The following FBXL15 variants were observed in gnomAD, a reference collection of about 807,000 sequenced individuals.
FBXL15 encodes F-box/LRR-repeat protein 15.
Under a neutral mutation model 23.6 loss-of-function variants are expected in FBXL15, and 19 were observed. The ratio of observed to expected loss-of-function variants is 0.81; its 90% CI spans 0.56 to 1.18. FBXL15 has a LOEUF of 1.18. FBXL15 is among the 50% of genes most tolerant of loss of function. FBXL15 has a pLI of 0.00. For missense variants in FBXL15, 385 were observed against 425.4 expected (o/e 0.91, Z 0.83); for synonymous variants, 224 against 207.7 (o/e 1.08, Z -0.67).
Position 102,421,061 on chromosome 10 carries a change from G to T in FBXL15, c.-69G>T. 1 of 1,560,916 alleles carries T rather than the reference G, an allele frequency of 6.4e-7. No individual in the cohort carries two copies. The highest frequency in any genetic ancestry group is 8.7e-7 in the Non-Finnish European group (1 of 1,151,736). ...AGGTCTGTCTCTACAGGCCAAGGAG[G>T]CGGGTTTGGTGCGGCCACTCCAAGG... On this transcript the variant is annotated 5_prime_UTR_variant, in exon 1 of 4. Transcript: ENST00000369956.
chr10:102,421,063 G>A lies in FBXL15; in HGVS notation c.-67G>A, dbSNP rs769017001. The A allele has an allele frequency of 6.4e-7, 1 of 1,562,354 alleles. No individual in the cohort carries two copies. Among genetic ancestry groups the A allele is most frequent in the Non-Finnish European group, 8.7e-7 (1 of 1,152,562 alleles). On this transcript the variant is annotated 5_prime_UTR_variant, in exon 1 of 4. Coordinates refer to ENST00000369956, the MANE Select transcript of FBXL15 (RefSeq NM_024326.4). Reference sequence around the variant, plus strand: ...GTCTGTCTCTACAGGCCAAGGAGGCGGGTTTGGTGCGGCCACTCCAAGGCC... The same window carrying A: ...GTCTGTCTCTACAGGCCAAGGAGGCAGGTTTGGTGCGGCCACTCCAAGGCC...
chr10:102,423,088 C>T lies in FBXL15; in HGVS notation c.*95C>T. ...ACTGTGAGGACCTCTGGTGAGAGGCCAGTGCCCTGCCCCACCCTGGAGCTT... is the reference window on the plus strand; with the variant it reads ...ACTGTGAGGACCTCTGGTGAGAGGCTAGTGCCCTGCCCCACCCTGGAGCTT... On this transcript the variant is annotated 3_prime_UTR_variant, in exon 4 of 4. Coordinates refer to ENST00000369956, the MANE Select transcript of FBXL15 (RefSeq NM_024326.4). This position sits in a 1 kb window ranked among gnomAD's most constrained non-coding sequence, Gnocchi z 5.6. 1 of 1,289,546 alleles carries T rather than the reference C, an allele frequency of 7.8e-7. No homozygotes were observed. The highest frequency in any genetic ancestry group is 1.1e-6 in the Non-Finnish European group (1 of 948,874). The allele number at this position is 1,289,546 out of a possible 1,614,324, so 79.9% of individuals were successfully genotyped here.
In FBXL15 at chr10:102,423,064, C is replaced by T. The variant is rs1393374530; in HGVS notation, c.*71C>T. On this transcript the variant is annotated 3_prime_UTR_variant, in exon 4 of 4. Transcript: ENST00000369956. This position sits in a 1 kb window ranked among gnomAD's most constrained non-coding sequence, Gnocchi z 5.6. Reference sequence around the variant, plus strand: ...GACACTGAGCTGTAGGGAAACTGAACTGTGAGGACCTCTGGTGAGAGGCCA... The same window carrying T: ...GACACTGAGCTGTAGGGAAACTGAATTGTGAGGACCTCTGGTGAGAGGCCA... The T allele has an allele frequency of 4.9e-6, 7 of 1,426,286 alleles. No individual in the cohort carries two copies. Among genetic ancestry groups the T allele is most frequent in the Non-Finnish European group, 6.6e-6 (7 of 1,067,820 alleles). The allele number at this position is 1,426,286 out of a possible 1,614,324, so 88.4% of individuals were successfully genotyped here.
At position 102,421,119 on chromosome 10, in the gene FBXL15, A is replaced by G. The variant is rs559142058; in HGVS notation, c.-11A>G. 88 of 1,607,016 alleles carry G rather than the reference A, an allele frequency of 5.5e-5. No homozygotes were observed. The East Asian group carries it at 7.4e-4, about 13-fold the overall frequency. On this transcript the variant is annotated 5_prime_UTR_variant, in exon 1 of 4. Coordinates refer to ENST00000369956, the MANE Select transcript of FBXL15 (RefSeq NM_024326.4). ...GAGAAAATCTTACTGCGCACGCGCA[A>G]TAGACAGCCGATGGAGCCACCGATG...
rs555427317 is a variant in FBXL15 at position 102,421,062 on chromosome 10, C to T, written c.-68C>T. ...GGTCTGTCTCTACAGGCCAAGGAGGCGGGTTTGGTGCGGCCACTCCAAGGC... is the reference window on the plus strand; with the variant it reads ...GGTCTGTCTCTACAGGCCAAGGAGGTGGGTTTGGTGCGGCCACTCCAAGGC... On this transcript the variant is annotated 5_prime_UTR_variant, in exon 1 of 4. Coordinates refer to ENST00000369956, the MANE Select transcript of FBXL15 (RefSeq NM_024326.4). 17 of 1,561,268 alleles carry T rather than the reference C, an allele frequency of 1.1e-5. No individual in the cohort carries two copies. Among genetic ancestry groups the T allele is most frequent in the East Asian group, 2.4e-5 (1 of 41,868 alleles).
chr10:102,421,340 C>T lies in FBXL15; in HGVS notation c.54-14C>T, dbSNP rs373451457. On this transcript the variant is annotated splice_polypyrimidine_tract_variant and intron_variant, in intron 1 of 3. Coordinates refer to ENST00000369956, the MANE Select transcript of FBXL15 (RefSeq NM_024326.4). ...GGCCCCGGGACGCCAGTGCCAACGC[C>T]CCTTTACTCGCAGGTTCCTGGACCT... The T allele has an allele frequency of 1.3e-6, 2 of 1,553,438 alleles. No homozygotes were observed. The highest frequency in any genetic ancestry group is 1.7e-6 in the Non-Finnish European group (2 of 1,150,894).
rs1228354350 is a variant in FBXL15 at position 102,422,203 on chromosome 10, C to T, written c.624C>T (p.Asp208=). ...LSLAVNANVG[D]AAVQELARNC... is the part of the protein sequence containing the mutation. ...TGGCCGTCAACGCCAACGTGGGGGACGCCGCGGTTCAAGAGTTGGCTCGGA... is the reference window on the plus strand; with the variant it reads ...TGGCCGTCAACGCCAACGTGGGGGATGCCGCGGTTCAAGAGTTGGCTCGGA... Residue 208 remains aspartate, a synonymous_variant, in exon 3 of 4, where the codon GAC becomes GAT. Coordinates refer to ENST00000369956, the MANE Select transcript of FBXL15 (RefSeq NM_024326.4). 1.3e-6 allele frequency: 2 copies of T among 1,531,498 alleles called. No individual in the cohort carries two copies. The highest frequency in any genetic ancestry group is 1.8e-6 in the Non-Finnish European group (2 of 1,138,362). 94.9% of individuals were successfully genotyped at this position (1,531,498 alleles called of 1,614,324 possible).
rs781509623 is a variant in FBXL15 at position 102,421,007 on chromosome 10, A to C, written c.-123A>C. On this transcript the variant is annotated 5_prime_UTR_variant, in exon 1 of 4. Coordinates refer to ENST00000369956, the MANE Select transcript of FBXL15 (RefSeq NM_024326.4). ...TCCACCCGAAAAGCTTTCAGATCGG[A>C]TCCTCGGTGAGACGGCACTCGATTA... is the stretch of plus-strand genomic sequence containing the variant. The C allele has an allele frequency of 4.1e-5, 64 of 1,544,204 alleles. No individual in the cohort carries two copies. Among genetic ancestry groups the C allele is most frequent in the Non-Finnish European group, 5.4e-5 (62 of 1,143,346 alleles).
In FBXL15 at chr10:102,421,458, C is replaced by T; in HGVS notation, c.158C>T (p.Ser53Leu). 1.3e-6 allele frequency: 2 copies of T among 1,529,030 alleles called. No individual in the cohort carries two copies. Among genetic ancestry groups the T allele is most frequent in the Non-Finnish European group, 1.8e-6 (2 of 1,140,458 alleles). The allele number at this position is 1,529,030 out of a possible 1,614,324, so 94.7% of individuals were successfully genotyped here. A position where few individuals can be genotyped will look rare whatever the true frequency, so the allele number is the denominator to read the frequency against. The change falls in exon 2 of 4, where the codon TCG becomes TTG. Residue 53 changes from serine (S) to leucine (L), a missense_variant. By Grantham distance (145) the Ser-to-Leu change is moderately radical (BLOSUM62 -2). This residue lies in a region of FBXL15 where 130 missense variants were observed against 95.1 expected (regional missense o/e 1.37). Transcript: ENST00000369956. ...CAGCGCGTTAGCCGGGCCTTCCGGT[C>T]GCTGGTGCAGCTTCACCTGGCCGGG... The part of the protein sequence containing the change: ...RLQRVSRAFR[S>L]LVQLHLAGLR...
chr10:102,421,297 G>T, intron 1 of FBXL15, 57 bp from the exon 2 acceptor site: 2 of 1,556,150 alleles, frequency 1.3e-6, no homozygotes, highest in Non-Finnish European at 1.7e-6. Context: ...TAACGGAGGC[G>T]GACTCGCAGG....
chr10:102,420,918 C>G lies in FBXL15; in HGVS notation c.-212C>G. The stretch of plus-strand genomic sequence containing the variant: ...GCATTCTCCAGCTTCAGGCCTCAAG[C>G]CCTGTAGCCGAGAAGGCGAGGCCTA... On this transcript the variant is annotated 5_prime_UTR_variant, in exon 1 of 4. Coordinates refer to ENST00000369956, the MANE Select transcript of FBXL15 (RefSeq NM_024326.4). 1 of 1,437,744 alleles carries G rather than the reference C, an allele frequency of 7.0e-7. No individual in the cohort carries two copies. 89.1% of individuals were successfully genotyped at this position (1,437,744 alleles called of 1,614,324 possible). A position where few individuals can be genotyped will look rare whatever the true frequency, so the allele number is the denominator to read the frequency against.
rs1185486589 is a variant in FBXL15 at position 102,421,379 on chromosome 10, G to A, written c.79G>A (p.Val27Met). ...VRFLDLPWED[V>M]LLPHVLNRVP... is the part of the protein sequence containing the mutation. The stretch of plus-strand genomic sequence containing the variant: ...GTTCCTGGACCTGCCCTGGGAAGAC[G>A]TGCTGCTCCCACACGTCCTGAACCG... The change falls in exon 2 of 4, where the codon GTG (valine) becomes ATG (methionine). Residue 27 changes from valine (V) to methionine (M), a missense_variant. Physicochemically the swap from Val to Met is conservative, Grantham distance 21 (BLOSUM62 1). Coordinates refer to ENST00000369956, the MANE Select transcript of FBXL15 (RefSeq NM_024326.4). The A allele has an allele frequency of 3.2e-6, 5 of 1,566,360 alleles. No individual in the cohort carries two copies. Among genetic ancestry groups the A allele is most frequent in the Admixed American group, 3.7e-5 (2 of 53,694 alleles).
Position 102,420,933 on chromosome 10 carries a change from G to A in FBXL15, c.-197G>A, listed in dbSNP as rs1303137638. On this transcript the variant is annotated 5_prime_UTR_variant, in exon 1 of 4. Transcript: ENST00000369956. ...AGGCCTCAAGCCCTGTAGCCGAGAAGGCGAGGCCTAATGTTACACCACCGG... is the reference window on the plus strand; with the variant it reads ...AGGCCTCAAGCCCTGTAGCCGAGAAAGCGAGGCCTAATGTTACACCACCGG... 3 of 1,454,862 alleles carry A rather than the reference G, an allele frequency of 2.1e-6. No homozygotes were observed. In the Admixed American group the frequency reaches 7.8e-5, roughly 38 times the overall value. 90.1% of individuals were successfully genotyped at this position (1,454,862 alleles called of 1,614,324 possible).
Position 102,421,398 on chromosome 10 carries a change from T to C in FBXL15, c.98T>C (p.Leu33Pro), listed in dbSNP as rs960434081. 1 of 1,575,930 alleles carries C rather than the reference T, an allele frequency of 6.3e-7. No homozygotes were observed. The highest frequency in any genetic ancestry group is 8.6e-7 in the Non-Finnish European group (1 of 1,161,538). Residue 33 changes from leucine (L) to proline (P), a missense_variant, in exon 2 of 4, where the codon CTG (leucine) becomes CCG (proline). Leu to Pro is a moderately conservative substitution (Grantham distance 98, BLOSUM62 -3). Coordinates refer to ENST00000369956, the MANE Select transcript of FBXL15 (RefSeq NM_024326.4). ...GAAGACGTGCTGCTCCCACACGTCC[T>C]GAACCGGGTCCCGCTGCGCCAGCTG... ...PWEDVLLPHV[L>P]NRVPLRQLLR... is the part of the protein sequence containing the mutation.
rs1384349936 is a variant in FBXL15, at chr10:102,423,085, G to A, written c.*92G>A. 4.5e-6 allele frequency: 6 copies of A among 1,324,006 alleles called. No homozygotes were observed. The highest frequency in any genetic ancestry group is 6.1e-6 in the Non-Finnish European group (6 of 980,056). 82.0% of individuals were successfully genotyped at this position (1,324,006 alleles called of 1,614,324 possible). A position where few individuals can be genotyped will look rare whatever the true frequency, so the allele number is the denominator to read the frequency against. On this transcript the variant is annotated 3_prime_UTR_variant, in exon 4 of 4. Coordinates refer to ENST00000369956, the MANE Select transcript of FBXL15 (RefSeq NM_024326.4). The surrounding 1 kb of genome is among the most constrained non-coding windows in gnomAD (Gnocchi z 5.6). Reference sequence around the variant, plus strand: ...TGAACTGTGAGGACCTCTGGTGAGAGGCCAGTGCCCTGCCCCACCCTGGAG... The same window carrying A: ...TGAACTGTGAGGACCTCTGGTGAGAAGCCAGTGCCCTGCCCCACCCTGGAG...
chr10:102,421,810 C>A lies in FBXL15; in HGVS notation c.231C>A (p.Ala77=), dbSNP rs1157161139. ...AAQVGPQIPR[A]ALARLLRDAE... ...AGGTGGGTCCGCAGATCCCGCGGGC[C>A]GCATTGGCCCGGCTGCTGCGGGATG... The change falls in exon 3 of 4, where the codon GCC becomes GCA. Residue 77 remains alanine, a synonymous_variant. Coordinates refer to ENST00000369956, the MANE Select transcript of FBXL15 (RefSeq NM_024326.4). 2 of 1,564,048 alleles carry A rather than the reference C, an allele frequency of 1.3e-6. No individual in the cohort carries two copies. Among genetic ancestry groups the A allele is most frequent in the East Asian group, 2.3e-5 (1 of 43,236 alleles).
rs1295687704 is a variant in FBXL15, at chr10:102,420,960, C to A, written c.-170C>A. On this transcript the variant is annotated 5_prime_UTR_variant, in exon 1 of 4. It adds an upstream start codon to the 5' untranslated region. Coordinates refer to ENST00000369956, the MANE Select transcript of FBXL15 (RefSeq NM_024326.4). ...CGAGGCCTAATGTTACACCACCGGT[C>A]TGTTCCGCCTCCGTTTCGGGGTCCA... 1.0e-5 allele frequency: 15 copies of A among 1,503,460 alleles called. No homozygotes were observed. The highest frequency in any genetic ancestry group is 5.3e-6 in the Non-Finnish European group (6 of 1,123,306). The allele number at this position is 1,503,460 out of a possible 1,614,324, so 93.1% of individuals were successfully genotyped here. A position where few individuals can be genotyped will look rare whatever the true frequency, so the allele number is the denominator to read the frequency against.
Position 102,422,187 on chromosome 10 carries a change from A to G in FBXL15, c.608A>G (p.Asn203Ser), listed in dbSNP as rs1373435300. 2 of 1,540,550 alleles carry G rather than the reference A, an allele frequency of 1.3e-6. No homozygotes were observed. Among genetic ancestry groups the G allele is most frequent in the South Asian group, 1.2e-5 (1 of 81,876 alleles). ...CTCCGCAGCCTCTCTCTGGCCGTCA[A>G]CGCCAACGTGGGGGACGCCGCGGTT... ...AGLRSLSLAV[N>S]ANVGDAAVQE... The change falls in exon 3 of 4, where the codon AAC (asparagine) becomes AGC (serine). Residue 203 changes from asparagine to serine, a missense_variant. Around this residue, in one of 2 missense-constraint regions of FBXL15, gnomAD observed 255 missense variants for 330.2 expected, o/e 0.77. Coordinates refer to ENST00000369956, the MANE Select transcript of FBXL15 (RefSeq NM_024326.4).
rs564247788 is a variant in FBXL15 at position 102,421,126 on chromosome 10, G to GCCGATGGAGCCA, written c.9_20dup. On this transcript the variant is annotated 5_prime_UTR_variant, in exon 1 of 4. The change creates a new upstream start codon in the 5' untranslated region. Transcript: ENST00000369956. The stretch of plus-strand genomic sequence containing the variant: ...TCTTACTGCGCACGCGCAATAGACA[G>GCCGATGGAGCCA]CCGATGGAGCCACCGATGGAGCCGT... 192 of 1,608,746 alleles carry GCCGATGGAGCCA rather than the reference G, an allele frequency of 1.2e-4. 1 individual carries two copies. The highest frequency in any genetic ancestry group is 4.2e-4 in the South Asian group (38 of 90,100).
Sources: allele counts gnomAD v4.1 joint callset, GRCh38; gene constraint gnomAD v4.1.1; regional missense constraint gnomAD v4.1.1; non-coding constraint Gnocchi (gnomAD v3.1); transcripts MANE v1.5; gene names NCBI Gene and HGNC (gene_info 2026-07-23, HGNC 2026-07-21).